Variants in OR5B17 observed in about 807,000 individuals in gnomAD.
OR5B17 encodes the protein olfactory receptor family 5 subfamily B member 17, also known as olfactory receptor 5B17.
For missense variants in OR5B17, 444 were observed against 378.7 expected, an observed-to-expected ratio of 1.17 and a Z score of -1.43; for synonymous variants, 150 against 135.8, an observed-to-expected ratio of 1.10 and a Z score of -0.73.
chr11:58,358,416 G>T lies in OR5B17; in HGVS notation c.654C>A (p.Phe218Leu). The T allele has an allele frequency of 6.2e-7, 1 of 1,613,944 alleles. No individual in the cohort carries two copies. Among genetic ancestry groups the T allele is most frequent in the South Asian group, 1.1e-5 (1 of 91,038 alleles). The change falls in exon 1 of 1, where the codon TTC becomes TTA. Residue 218 changes from phenylalanine to leucine, a missense_variant. By Grantham distance (22) the Phe-to-Leu change is conservative. Coordinates refer to ENST00000357377, the MANE Select transcript of OR5B17 (RefSeq NM_001005489.2). ...ALLVTLISYL[F>L]ILITILKRHT... ...GCCTCTTAAGAATGGTGATCAATAT[G>T]AACAGATAGGAAATCAAGGTAACAA...
chr11:58,358,692 G>A lies in OR5B17; in HGVS notation c.378C>T (p.Asn126=). Residue 126 remains asparagine (N), a synonymous_variant, in exon 1 of 1, where the codon AAC becomes AAT. Coordinates refer to ENST00000357377, the MANE Select transcript of OR5B17 (RefSeq NM_001005489.2). ...TCATGGTGGTGGTATAATGTAGGGG[G>A]TTACACACTGCTGCGTAGCGGTCAT... ...MAYDRYAAVC[N]PLHYTTTMTT... 2 of 1,614,098 alleles carry A rather than the reference G, an allele frequency of 1.2e-6. No homozygotes were observed. Among genetic ancestry groups the A allele is most frequent in the Non-Finnish European group, 1.7e-6 (2 of 1,179,998 alleles).
Position 58,358,525 on chromosome 11 carries a change from A to T in OR5B17, c.545T>A (p.Val182Asp), listed in dbSNP as rs768801170. The T allele has an allele frequency of 6.2e-7, 1 of 1,614,118 alleles. No individual in the cohort carries two copies. The highest frequency in any genetic ancestry group is 1.1e-5 in the South Asian group (1 of 91,086). The stretch of plus-strand genomic sequence containing the variant: ...TTTCTCAGAGCAGGTCAGAGTAATG[A>T]CTGCTGGTTTGTCACAGAAAAAGTG... The part of the protein sequence containing the change: ...IHHFFCDKPA[V>D]ITLTCSEKHI... The change falls in exon 1 of 1, where the codon GTC becomes GAC. Residue 182 changes from valine to aspartate, a missense_variant. Val to Asp is a radical substitution (Grantham distance 152). Coordinates refer to ENST00000357377, the MANE Select transcript of OR5B17 (RefSeq NM_001005489.2).
chr11:58,359,047 C>T lies in OR5B17; in HGVS notation c.23G>A (p.Ser8Asn). 1.9e-6 allele frequency: 3 copies of T among 1,599,082 alleles called. No homozygotes were observed. The highest frequency in any genetic ancestry group is 2.2e-5 in the East Asian group (1 of 44,836). The change falls in exon 1 of 1, where the codon AGT (serine) becomes AAT (asparagine). Residue 8 changes from serine (S) to asparagine (N), a missense_variant. Transcript: ENST00000357377. MENNTEVSEFILLGLTNA... is the reference protein window; with the variant it reads MENNTEVNEFILLGLTNA... ...GGTTAGACCAAGCAGGATGAATTCA[C>T]TCACCTCTGTATTATTCTCCATGGA...
In OR5B17 at chr11:58,358,672, G is replaced by T. The variant is rs777726439; in HGVS notation, c.398C>A (p.Thr133Asn). Residue 133 changes from threonine (T) to asparagine (N), a missense_variant, in exon 1 of 1, where the codon ACC becomes AAC. Transcript: ENST00000357377. ...AVCNPLHYTT[T>N]MTTRVCACLA... ...ACAAGCACACACACGTGTTGTCATG[G>T]TGGTGGTATAATGTAGGGGGTTACA... 6.2e-7 allele frequency: 1 copy of T among 1,614,124 alleles called. No individual in the cohort carries two copies. Among genetic ancestry groups the T allele is most frequent in the Non-Finnish European group, 8.5e-7 (1 of 1,180,014 alleles).
rs755926459 is a variant in OR5B17 at position 58,358,165 on chromosome 11, A to G, written c.905T>C (p.Val302Ala). Residue 302 changes from valine (V) to alanine (A), a missense_variant, in exon 1 of 1, where the codon GTT becomes GCT. Coordinates refer to ENST00000357377, the MANE Select transcript of OR5B17 (RefSeq NM_001005489.2). ...TAGAGAATATTTTGCCTTCTCAACA[A>G]CCTTCATGAATGCATTCTTCACGTC... ...NKDVKNAFMK[V>A]VEKAKYSLDS... is the part of the protein sequence containing the mutation. The G allele has an allele frequency of 6.2e-7, 1 of 1,603,118 alleles. No individual in the cohort carries two copies. Among genetic ancestry groups the G allele is most frequent in the Non-Finnish European group, 8.5e-7 (1 of 1,175,346 alleles).
chr11:58,358,989 G>A lies in OR5B17; in HGVS notation c.81C>T (p.Ile27=). The part of the protein sequence containing the change: ...NAPELQVPLF[I]MFTLIYLITL... ...TGATGAGGTAGATGAGGGTAAACAT[G>A]ATAAAGAGGGGAACCTGTAGTTCTG... The change falls in exon 1 of 1, where the codon ATC becomes ATT. Residue 27 remains isoleucine (I), a synonymous_variant. Transcript: ENST00000357377. The A allele has an allele frequency of 1.2e-6, 2 of 1,612,916 alleles. No individual in the cohort carries two copies. The highest frequency in any genetic ancestry group is 1.7e-6 in the Non-Finnish European group (2 of 1,179,926).
chr11:58,358,771 A>T lies in OR5B17; in HGVS notation c.299T>A (p.Phe100Tyr). ...ISYSACAAQMFFCAVFATVEN... is the reference protein window; with the variant it reads ...ISYSACAAQMYFCAVFATVEN... ...CACAGTGGCAAAGACTGCACAAAAGAACATCTGAGCAGCACAGGCACTGTA... is the reference window on the plus strand; with the variant it reads ...CACAGTGGCAAAGACTGCACAAAAGTACATCTGAGCAGCACAGGCACTGTA... The change falls in exon 1 of 1, where the codon TTC becomes TAC. Residue 100 changes from phenylalanine (F) to tyrosine (Y), a missense_variant. By Grantham distance (22) the Phe-to-Tyr change is conservative. Transcript: ENST00000357377. 6.2e-7 allele frequency: 1 copy of T among 1,614,168 alleles called. No homozygotes were observed. The highest frequency in any genetic ancestry group is 8.5e-7 in the Non-Finnish European group (1 of 1,180,036).
rs1369566092 is a variant in OR5B17, at chr11:58,358,752, G to A, written c.318C>T (p.Ala106=). The change falls in exon 1 of 1, where the codon GCC becomes GCT. Residue 106 remains alanine (A), a synonymous_variant. Transcript: ENST00000357377. ...AGGACAAGAGGTAATTTTCCACAGT[G>A]GCAAAGACTGCACAAAAGAACATCT... ...AAQMFFCAVF[A]TVENYLLSSM... 6.2e-7 allele frequency: 1 copy of A among 1,614,112 alleles called. No homozygotes were observed. Among genetic ancestry groups the A allele is most frequent in the Admixed American group, 1.7e-5 (1 of 59,998 alleles).
Position 58,358,712 on chromosome 11 carries a change from G to T in OR5B17, c.358C>A (p.Arg120Ser). ...AGGGGGTTACACACTGCTGCGTAGC[G>T]GTCATAGGCCATTGAGGACAAGAGG... ...NYLLSSMAYD[R>S]YAAVCNPLHY... Residue 120 changes from arginine (R) to serine (S), a missense_variant, in exon 1 of 1, where the codon CGC becomes AGC. By Grantham distance (110) the Arg-to-Ser change is moderately radical (BLOSUM62 -1). Transcript: ENST00000357377. The T allele has an allele frequency of 3.1e-6, 5 of 1,614,112 alleles. No individual in the cohort carries two copies. Among genetic ancestry groups the T allele is most frequent in the South Asian group, 2.2e-5 (2 of 91,082 alleles).
At position 58,358,217 on chromosome 11, in the gene OR5B17, G is replaced by C. The variant is rs761130711; in HGVS notation, c.853C>G (p.Pro285Ala). The stretch of plus-strand genomic sequence containing the variant: ...TTGTTCCTCAGGGTATAGACTATAG[G>C]ACTGAGCATGGGGATGATCATAGTG... ...FYTMIIPMLS[P>A]IVYTLRNKDV... The change falls in exon 1 of 1, where the codon CCT (proline) becomes GCT (alanine). Residue 285 changes from proline to alanine, a missense_variant. Physicochemically the swap from Pro to Ala is conservative, Grantham distance 27 (BLOSUM62 -1). Coordinates refer to ENST00000357377, the MANE Select transcript of OR5B17 (RefSeq NM_001005489.2). 1 of 1,613,454 alleles carries C rather than the reference G, an allele frequency of 6.2e-7. No individual in the cohort carries two copies. The highest frequency in any genetic ancestry group is 8.5e-7 in the Non-Finnish European group (1 of 1,179,470).
chr11:58,358,412 A>G lies in OR5B17; in HGVS notation c.658T>C (p.Leu220=), dbSNP rs141310906. ...GTGTGCCTCTTAAGAATGGTGATCA[A>G]TATGAACAGATAGGAAATCAAGGTA... ...LVTLISYLFI[L]ITILKRHTGK... is the part of the protein sequence containing the mutation. The change falls in exon 1 of 1, where the codon TTG becomes CTG. Residue 220 remains leucine (L), a synonymous_variant. Coordinates refer to ENST00000357377, the MANE Select transcript of OR5B17 (RefSeq NM_001005489.2). 4.3e-5 allele frequency: 69 copies of G among 1,613,952 alleles called. No individual in the cohort carries two copies. In the African/African-American group the frequency reaches 6.8e-4, roughly 16 times the overall value.
chr11:58,358,810 T>A lies in OR5B17; in HGVS notation c.260A>T (p.Asp87Val). ...PKVLTGLLIE[D>V]KAISYSACAA... is the part of the protein sequence containing the mutation. ...ACAGGCACTGTAGGAGATGGCTTTG[T>A]CTTCTATAAGCAACCCAGTTAAAAC... The change falls in exon 1 of 1, where the codon GAC becomes GTC. Residue 87 changes from aspartate to valine, a missense_variant. By Grantham distance (152) the Asp-to-Val change is radical. Coordinates refer to ENST00000357377, the MANE Select transcript of OR5B17 (RefSeq NM_001005489.2). 2 of 1,614,116 alleles carry A rather than the reference T, an allele frequency of 1.2e-6. No individual in the cohort carries two copies. Among genetic ancestry groups the A allele is most frequent in the Non-Finnish European group, 1.7e-6 (2 of 1,180,012 alleles).
Position 58,358,851 on chromosome 11 carries a change from T to C in OR5B17, c.219A>G (p.Ser73=), listed in dbSNP as rs1367269126. The change falls in exon 1 of 1, where the codon TCA becomes TCG. Residue 73 remains serine, a synonymous_variant. Transcript: ENST00000357377. The stretch of plus-strand genomic sequence containing the variant: ...CAGTTAAAACCTTTGGAGTGACAGC[T>C]GAGGAGTAACCAATGCCTGCAAGAG... ...NLSLAGIGYS[S]AVTPKVLTGL... is the part of the protein sequence containing the mutation. The C allele has an allele frequency of 2.5e-6, 4 of 1,614,072 alleles. No homozygotes were observed. In the African/African-American group the frequency reaches 4.0e-5, roughly 16 times the overall value.
rs1854531200 is a variant in OR5B17, at chr11:58,358,699, A to AC, written c.370dup (p.Val124GlyfsTer3). 1 of 1,614,002 alleles carries AC rather than the reference A, an allele frequency of 6.2e-7. No individual in the cohort carries two copies. Among genetic ancestry groups the AC allele is most frequent in the Non-Finnish European group, 8.5e-7 (1 of 1,180,010 alleles). On this transcript the variant is annotated frameshift_variant, in exon 1 of 1. Coordinates refer to ENST00000357377, the MANE Select transcript of OR5B17 (RefSeq NM_001005489.2). LOFTEE classifies it low-confidence loss of function (END_TRUNC). ...GGTGGTATAATGTAGGGGGTTACAC[A>AC]CTGCTGCGTAGCGGTCATAGGCCAT...
rs754663161 is a variant in OR5B17, at chr11:58,358,978, A to T, written c.92T>A (p.Leu31His). 8 of 1,613,398 alleles carry T rather than the reference A, an allele frequency of 5.0e-6. No individual in the cohort carries two copies. The highest frequency in any genetic ancestry group is 6.8e-6 in the Non-Finnish European group (8 of 1,179,892). The change falls in exon 1 of 1, where the codon CTC becomes CAC. Residue 31 changes from leucine to histidine, a missense_variant. Coordinates refer to ENST00000357377, the MANE Select transcript of OR5B17 (RefSeq NM_001005489.2). ...CCCAGTCAGAGTGATGAGGTAGATG[A>T]GGGTAAACATGATAAAGAGGGGAAC... ...LQVPLFIMFT[L>H]IYLITLTGNL... is the part of the protein sequence containing the mutation.
rs1272520754 is a variant in OR5B17 at position 58,358,596 on chromosome 11, AATTTGG to A, written c.468_473del (p.Gln157_Ile158del). On this transcript the variant is annotated inframe_deletion, in exon 1 of 1. Coordinates refer to ENST00000357377, the MANE Select transcript of OR5B17 (RefSeq NM_001005489.2). ...AGAAAGAGAGGCGAAATGTATCTCC[AATTTGG>A]ATAGAAGCATTCAGAAAACCAATGA... 2 of 1,614,036 alleles carry A rather than the reference AATTTGG, an allele frequency of 1.2e-6. No homozygotes were observed. The highest frequency in any genetic ancestry group is 2.7e-5 in the African/African-American group (2 of 74,932).
rs1221186754 is a variant in OR5B17 at position 58,358,880 on chromosome 11, G to A, written c.190C>T (p.Leu64=). ...GAGTAACCAATGCCTGCAAGAGACA[G>A]GTTACTGAGAAAAAAGTACATGGGA... ...HTPMYFFLSN[L]SLAGIGYSSA... is the part of the protein sequence containing the mutation. The change falls in exon 1 of 1, where the codon CTG becomes TTG. Residue 64 remains leucine (L), a synonymous_variant. Coordinates refer to ENST00000357377, the MANE Select transcript of OR5B17 (RefSeq NM_001005489.2). The A allele has an allele frequency of 6.2e-7, 1 of 1,614,070 alleles. No individual in the cohort carries two copies. Among genetic ancestry groups the A allele is most frequent in the Non-Finnish European group, 8.5e-7 (1 of 1,180,010 alleles).
chr11:58,358,696 C>A lies in OR5B17; in HGVS notation c.374G>T (p.Cys125Phe). Reference sequence around the variant, plus strand: ...GGTGGTGGTATAATGTAGGGGGTTACACACTGCTGCGTAGCGGTCATAGGC... The same window carrying A: ...GGTGGTGGTATAATGTAGGGGGTTAAACACTGCTGCGTAGCGGTCATAGGC... The part of the protein sequence containing the change: ...SMAYDRYAAV[C>F]NPLHYTTTMT... The change falls in exon 1 of 1, where the codon TGT becomes TTT. Residue 125 changes from cysteine to phenylalanine, a missense_variant. Transcript: ENST00000357377. 1 of 1,614,112 alleles carries A rather than the reference C, an allele frequency of 6.2e-7. No homozygotes were observed. The highest frequency in any genetic ancestry group is 8.5e-7 in the Non-Finnish European group (1 of 1,179,996).
rs1854518410 is a variant in OR5B17 at position 58,358,235 on chromosome 11, T to C, written c.835A>G (p.Ile279Val). 6.2e-7 allele frequency: 1 copy of C among 1,613,722 alleles called. No homozygotes were observed. The highest frequency in any genetic ancestry group is 1.1e-5 in the South Asian group (1 of 91,074). ...DKIASVFYTM[I>V]IPMLSPIVYT... ...ACTATAGGACTGAGCATGGGGATGA[T>C]CATAGTGTAGAACACAGATGCAATT... is the stretch of plus-strand genomic sequence containing the variant. Residue 279 changes from isoleucine to valine, a missense_variant, in exon 1 of 1, where the codon ATC (isoleucine) becomes GTC (valine). Ile to Val is a conservative substitution (Grantham distance 29). Transcript: ENST00000357377.
Sources: allele counts gnomAD v4.1 joint callset, GRCh38; gene constraint gnomAD v4.1.1; transcripts MANE v1.5; gene names NCBI Gene and HGNC (gene_info 2026-07-23, HGNC 2026-07-21).